Variants in WDTC1 observed in about 807,000 individuals in gnomAD.
WDTC1 encodes WD and tetratricopeptide repeats protein 1.
A neutral mutation model predicts 76.0 loss-of-function variants in WDTC1; 12 were observed. The ratio of observed to expected loss-of-function variants is 0.16; its 90% CI spans 0.10 to 0.26. The LOEUF (loss-of-function observed/expected upper bound fraction) is 0.26, where lower values mean the gene tolerates loss of function less well. Among genes scored for constraint, WDTC1 ranks in the 10% least tolerant of loss-of-function variants. The pLI is 1.00. For synonymous variants in WDTC1, 326 were observed against 350.8 expected (o/e 0.93, Z 0.79); for missense variants, 511 against 908.8 (o/e 0.56, Z 5.63).
chr1:27,297,077 G>A lies in WDTC1; in HGVS notation c.979G>A (p.Gly327Ser), dbSNP rs200381090. The stretch of plus-strand genomic sequence containing the variant: ...CCAGAATGGCAAGATGTCCACCAAC[G>A]GTGTGTCCAACGGTGTGTCCAATGG... ...EVQNGKMSTN[G>S]VSNGVSNGLH... The change falls in exon 11 of 16, where the codon GGT becomes AGT. Residue 327 changes from glycine (G) to serine (S), a missense_variant. Physicochemically the swap from Gly to Ser is moderately conservative, Grantham distance 56 (BLOSUM62 0). Transcript: ENST00000319394. 1.1e-5 allele frequency: 17 copies of A among 1,613,986 alleles called. No individual in the cohort carries two copies. Among genetic ancestry groups the A allele is most frequent in the Middle Eastern group, 1.7e-4 (1 of 6,054 alleles).
intron 1 of WDTC1, among the ~76,000 whole-genome samples, chr1:27,254,516 T>C (rs375596977): frequency 5.3e-4 from 81 of 152,176 alleles, no homozygotes; most frequent in Middle Eastern, 3.4e-3. Context: ...CGGAACCGCT[T>C]GAACCTGAGA....
chr1:27,300,050 C>T (rs2147990375), intron 12 of WDTC1, among the ~76,000 whole-genome samples: 1 of 152,298 alleles, frequency 6.6e-6, no homozygotes, highest in African/African-American at 2.4e-5. Context: ...CAGAGCCACT[C>T]ATCCTGACGC....
At chr1:27,281,264 T>C (rs1349769852) in intron 3 of WDTC1, among the ~76,000 whole-genome samples, 1 of 151,932 alleles carries the variant, frequency 6.6e-6, no homozygotes, top group Non-Finnish European at 1.5e-5. Flanking sequence ...CCATCCTGGC[T>C]AACACGGTGA....
intron 2 of WDTC1, among the ~76,000 whole-genome samples, chr1:27,261,680 C>T (rs769373049): frequency 6.6e-6 from 1 of 152,136 alleles, no homozygotes; most frequent in Non-Finnish European, 1.5e-5. Flanking sequence ...TAATGCAATA[C>T]ATTAAACCAA....
At chr1:27,247,174 A>G (rs2011869384) in intron 1 of WDTC1, among the ~76,000 whole-genome samples, 1 of 151,696 alleles carries the variant, frequency 6.6e-6, no homozygotes, top group African/African-American at 2.4e-5. Flanking sequence ...CTCCTGCCTC[A>G]GCCTCTCGAG....
chr1:27,261,133 T>C (rs757343317), intron 2 of WDTC1, 31 bp downstream of exon 2: 4 of 1,612,190 alleles, frequency 2.5e-6, no homozygotes, highest in African/African-American at 2.7e-5. Context: ...CACCAGATCA[T>C]GAGATCTTTT....
At chr1:27,300,807 T>C (rs1455607124) in intron 12 of WDTC1, among the ~76,000 whole-genome samples, 3 of 152,144 alleles carry the variant, frequency 2.0e-5, no homozygotes, top group African/African-American at 7.2e-5. Context: ...GAGGGCCCCC[T>C]GCCTTGGATG....
chr1:27,235,060 C>T, intron 1 of WDTC1, 109 bp downstream of exon 1: 2 of 337,170 alleles, frequency 5.9e-6, no homozygotes, highest in Non-Finnish European at 5.4e-6. Context: ...GCCCTGCCGG[C>T]CTGGGGGCCT....
At chr1:27,248,821 C>T (rs2011938410) in intron 1 of WDTC1, among the ~76,000 whole-genome samples, 1 of 151,890 alleles carries the variant, frequency 6.6e-6, no homozygotes, top group Non-Finnish European at 1.5e-5. Context: ...CCACGCCCAG[C>T]TAATTTTTTA....
chr1:27,237,167 G>A lies in WDTC1; in HGVS notation c.-100+2216G>A, dbSNP rs1478366505. On this transcript the variant is annotated intron_variant, in intron 1 of 15. Transcript: ENST00000319394. ...TTTATTTTTATTTTTTTGAGATGGGGTCTCACTCTGTTGCCTGGGCTGGTC... is the reference window on the plus strand; with the variant it reads ...TTTATTTTTATTTTTTTGAGATGGGATCTCACTCTGTTGCCTGGGCTGGTC... 2.0e-5 allele frequency among the ~76,000 whole-genome samples: 3 copies of A among 152,078 alleles called. No homozygotes were observed. In the East Asian group the frequency reaches 5.8e-4, roughly 29 times the overall value.
chr1:27,246,061 G>A (rs2011819393), intron 1 of WDTC1, among the ~76,000 whole-genome samples: 1 of 152,082 alleles, frequency 6.6e-6, no homozygotes, highest in Non-Finnish European at 1.5e-5. Context: ...GAGAGCAAAG[G>A]GTTTAAGGTA....
rs375107200 is a variant in WDTC1 at position 27,283,138 on chromosome 1, C to CA, written c.180-186dup. Among the ~76,000 whole-genome samples the CA allele has an allele frequency of 5.8e-3, 634 of 108,462 alleles. 7 individuals are homozygous for CA. Among genetic ancestry groups the CA allele is most frequent in the African/African-American group, 0.013 (384 of 28,884 alleles). The allele number at this position is 108,462 out of a possible 152,430, so 71.2% of individuals were successfully genotyped here. A position where few individuals can be genotyped will look rare whatever the true frequency, so the allele number is the denominator to read the frequency against. On this transcript the variant is annotated intron_variant, in intron 4 of 15. Transcript: ENST00000319394. ...TGGGGGACAGAGCGAGACTCCATTTCAAAAAAAAAAAAAAGAATAATGGAA... is the reference window on the plus strand; with the variant it reads ...TGGGGGACAGAGCGAGACTCCATTTCAAAAAAAAAAAAAAAGAATAATGGAA...
Position 27,267,175 on chromosome 1 carries a change from T to TC in WDTC1, c.132+3942dup, listed in dbSNP as rs371338975. On this transcript the variant is annotated intron_variant, in intron 3 of 15. Transcript: ENST00000319394. Reference sequence around the variant, plus strand: ...AGCTAGTCTTGATATTTGTTACCCTTCCTGTATGTTGATAGAATTTATACC... The same window carrying TC: ...AGCTAGTCTTGATATTTGTTACCCTTCCCTGTATGTTGATAGAATTTATACC... Among the ~76,000 whole-genome samples, 597 of 152,294 alleles carry TC rather than the reference T, an allele frequency of 3.9e-3. 7 individuals carry two copies. The highest frequency in any genetic ancestry group is 0.013 in the African/African-American group (558 of 41,568).
chr1:27,306,441 G>A lies in WDTC1; in HGVS notation c.*58G>A. 6.5e-7 allele frequency: 1 copy of A among 1,548,152 alleles called. No individual in the cohort carries two copies. On this transcript the variant is annotated 3_prime_UTR_variant, in exon 16 of 16. Transcript: ENST00000319394. This position sits in a 1 kb window ranked among gnomAD's most constrained non-coding sequence, Gnocchi z 5.0. The stretch of plus-strand genomic sequence containing the variant: ...TGGCTGGACCCTCTGCCCTGGGCAG[G>A]AGGTCAGGGGATTCTGTTTTGGTTT...
At position 27,303,981 on chromosome 1, in the gene WDTC1, G is replaced by A; in HGVS notation, c.1643+186G>A. ...ATCTATGAAATGACCAACCTGCCAT[G>A]CCCATTTATGAGGCCATAACAAGGA... is the stretch of plus-strand genomic sequence containing the variant. On this transcript the variant is annotated intron_variant, in intron 14 of 15. Coordinates refer to ENST00000319394, the MANE Select transcript of WDTC1 (RefSeq NM_001276252.2). The surrounding 1 kb of genome is among the most constrained non-coding windows in gnomAD (Gnocchi z 4.8). The A allele has an allele frequency of 1.4e-6, 1 of 703,822 alleles. No homozygotes were observed. Among genetic ancestry groups the A allele is most frequent in the Non-Finnish European group, 2.3e-6 (1 of 436,628 alleles). The allele number at this position is 703,822 out of a possible 1,614,324, so 43.6% of individuals were successfully genotyped here. A position where few individuals can be genotyped will look rare whatever the true frequency, so the allele number is the denominator to read the frequency against.
chr1:27,253,407 C>CCCCCT (rs2012159267), intron 1 of WDTC1, among the ~76,000 whole-genome samples: 1 of 90,520 alleles, frequency 1.1e-5, no homozygotes, highest in African/African-American at 4.2e-5. Context: ...CCCTCCCCCT[C>CCCCCT]CCCTCCTCCT....
chr1:27,241,845 T>C (rs753323103), intron 1 of WDTC1, among the ~76,000 whole-genome samples: 2 of 151,698 alleles, frequency 1.3e-5, no homozygotes, highest in Non-Finnish European at 2.9e-5. Context: ...CCAGAAAAAA[T>C]TTTCACAAAG....
chr1:27,296,439 T>C (rs757235918), intron 10 of WDTC1, 38 bp downstream of exon 10: 2 of 1,608,888 alleles, frequency 1.2e-6, no homozygotes, highest in South Asian at 2.2e-5. Context: ...TGCGGCGGTG[T>C]AGGGGAGCTT....
intron 1 of WDTC1, among the ~76,000 whole-genome samples, chr1:27,254,940 TG>T (rs1444810324): frequency 6.6e-6 from 1 of 152,074 alleles, no homozygotes; most frequent in African/African-American, 2.4e-5. Context: ...TTTGACATTT[TG>T]TTTTTTTTTT....
Sources: allele counts gnomAD v4.1 joint callset (sites outside exome capture counted in the v4.1 genomes callset), GRCh38; gene constraint gnomAD v4.1.1; non-coding constraint Gnocchi (gnomAD v3.1); transcripts MANE v1.5; gene names NCBI Gene and HGNC (gene_info 2026-07-23, HGNC 2026-07-21).